Variants in THUMPD2 observed in about 807,000 individuals in gnomAD.
THUMPD2 encodes the protein U6 snRNA (guanine-N(2))-methyltransferase THUMPD2.
A neutral mutation model predicts 49.4 loss-of-function variants in THUMPD2; 56 were observed. The ratio of observed to expected loss-of-function variants is 1.13; its 90% CI spans 0.91 to 1.41. The LOEUF is 1.41. THUMPD2 is among the 40% of genes most tolerant of loss of function. THUMPD2 has a pLI of 0.00. For synonymous variants in THUMPD2, 237 were observed against 205.2 expected, an observed-to-expected ratio of 1.15 and a Z score of -1.32; for missense variants, 709 against 594.5, an observed-to-expected ratio of 1.19 and a Z score of -2.00.
intron 8 of THUMPD2, among the ~76,000 whole-genome samples, chr2:39,747,078 G>C (rs1450486258): frequency 1.3e-5 from 2 of 152,196 alleles, no homozygotes; most frequent in Non-Finnish European, 2.9e-5. Flanking sequence ...AAAGGACTTA[G>C]TGTGAAATGT....
intron 1 of THUMPD2, among the ~76,000 whole-genome samples, chr2:39,775,729 C>G (rs895026837): frequency 2.9e-5 from 4 of 138,870 alleles, no homozygotes; most frequent in African/African-American, 5.5e-5. Context: ...CGCCACTGCA[C>G]TCCAGCCTGG....
In THUMPD2 at chr2:39,769,039, G is replaced by C. The variant is rs1032402956; in HGVS notation, c.673-538C>G. 4.6e-6 allele frequency: 6 copies of C among 1,304,682 alleles called. No homozygotes were observed. The East Asian group carries it at 3.3e-4, about 72-fold the overall frequency. The allele number at this position is 1,304,682 out of a possible 1,614,324, so 80.8% of individuals were successfully genotyped here. A position where few individuals can be genotyped will look rare whatever the true frequency, so the allele number is the denominator to read the frequency against. ...GGTGTTCGCTCTTCTCTACATTGCT[G>C]AGACCTCATGTGCATTTGCAGTCTA... On this transcript the variant is annotated intron_variant, in intron 3 of 9. Transcript: ENST00000505747.
intron 8 of THUMPD2, among the ~76,000 whole-genome samples, chr2:39,745,551 T>C (rs549218827): frequency 1.3e-5 from 2 of 152,344 alleles, no homozygotes; most frequent in African/African-American, 4.8e-5. Context: ...AAGGCAACCA[T>C]AGTTCTCAAA....
Position 39,771,656 on chromosome 2 carries a change from C to G in THUMPD2, c.127-16G>C. ...TATATTCAACCTAGAAATAGAAAAA[C>G]AGCTTTTAATGTAGTCCAGTGTCAG... On this transcript the variant is annotated splice_polypyrimidine_tract_variant and intron_variant, in intron 1 of 9. Transcript: ENST00000505747. 2 of 1,597,736 alleles carry G rather than the reference C, an allele frequency of 1.3e-6. No individual in the cohort carries two copies. The highest frequency in any genetic ancestry group is 1.7e-6 in the Non-Finnish European group (2 of 1,175,282).
intron 8 of THUMPD2, among the ~76,000 whole-genome samples, chr2:39,747,378 G>A (rs558543993): frequency 8.5e-5 from 13 of 152,184 alleles, no homozygotes; most frequent in Non-Finnish European, 1.6e-4. Context: ...AGGGCGTAAA[G>A]CTTTCAATGA....
In THUMPD2 at chr2:39,756,646, G is replaced by C. The variant is rs1676168389; in HGVS notation, c.892-686C>G. Among the ~76,000 whole-genome samples the C allele has an allele frequency of 2.0e-5, 3 of 152,092 alleles. No homozygotes were observed. The South Asian group carries it at 6.2e-4, about 32-fold the overall frequency. ...GGTAGCAGAGGAAGTGAACAGGAAA[G>C]AGGAGGTGGTTAAGAACAAGATTCC... is the stretch of plus-strand genomic sequence containing the variant. On this transcript the variant is annotated intron_variant, in intron 6 of 9. Coordinates refer to ENST00000505747, the MANE Select transcript of THUMPD2 (RefSeq NM_025264.5).
chr2:39,745,394 G>A (rs943050985), intron 8 of THUMPD2, among the ~76,000 whole-genome samples: 10 of 152,074 alleles, frequency 6.6e-5, no homozygotes, highest in African/African-American at 1.9e-4. Flanking sequence ...AAGAAGAGTA[G>A]ATTGTTCGAA....
chr2:39,779,125 C>A lies in THUMPD2; in HGVS notation c.115G>T (p.Ala39Ser). ...FVMREVRARL[A>S]ATQVEYISGK... ...CGAGGCCAACTCACCTGCGTGGCCG[C>A]CAGCCGCGCCCGCACCTCTCGCATT... Residue 39 changes from alanine (A) to serine (S), a missense_variant, in exon 1 of 10, where the codon GCG becomes TCG. Ala to Ser is a moderately conservative substitution (Grantham distance 99). Coordinates refer to ENST00000505747, the MANE Select transcript of THUMPD2 (RefSeq NM_025264.5). 6.6e-7 allele frequency: 1 copy of A among 1,511,684 alleles called. No individual in the cohort carries two copies. Among genetic ancestry groups the A allele is most frequent in the East Asian group, 2.7e-5 (1 of 37,116 alleles). The allele number at this position is 1,511,684 out of a possible 1,614,324, so 93.6% of individuals were successfully genotyped here.
Position 39,744,475 on chromosome 2 carries a change from A to C in THUMPD2, c.1082T>G (p.Leu361Trp). Residue 361 changes from leucine (L) to tryptophan (W), a missense_variant, in exon 9 of 10, where the codon TTG becomes TGG. By Grantham distance (61) the Leu-to-Trp change is moderately conservative. Transcript: ENST00000505747. ...IELLKISVIE[L>W]PLPSESVDII... ...ATCAACACTTTCTGAAGGCAATGGC[A>C]ATTCTGAAATATAGAAATCAGAGAA... The C allele has an allele frequency of 1.9e-6, 3 of 1,552,886 alleles. No homozygotes were observed. Among genetic ancestry groups the C allele is most frequent in the Non-Finnish European group, 2.6e-6 (3 of 1,149,716 alleles).
intron 3 of THUMPD2, chr2:39,769,260 CTCTT>C: frequency 3.2e-6 from 1 of 312,338 alleles, no homozygotes; most frequent in Non-Finnish European, 6.4e-6. Context: ...CATACCATTC[CTCTT>C]AAACATCTGA....
At chr2:39,751,311 G>T (rs563724339) in intron 8 of THUMPD2, among the ~76,000 whole-genome samples, 1 of 152,340 alleles carries the variant, frequency 6.6e-6, no homozygotes, top group South Asian at 2.1e-4. Context: ...AAAAAAGCAT[G>T]CCATCTTACT....
At chr2:39,765,086 T>C (rs776650124) in intron 5 of THUMPD2, among the ~76,000 whole-genome samples, 2 of 152,140 alleles carry the variant, frequency 1.3e-5, no homozygotes, top group Non-Finnish European at 2.9e-5. Context: ...AATTTAAAAA[T>C]GAGTTATTTT....
At chr2:39,777,195 A>G (rs1251151369) in intron 1 of THUMPD2, among the ~76,000 whole-genome samples, 3 of 152,200 alleles carry the variant, frequency 2.0e-5, no homozygotes, top group African/African-American at 7.2e-5. Context: ...GACTGCAGTA[A>G]TCCTTTAAAG....
intron 5 of THUMPD2, among the ~76,000 whole-genome samples, chr2:39,762,160 G>C (rs762601040): frequency 1.3e-5 from 2 of 152,104 alleles, no homozygotes; most frequent in African/African-American, 2.4e-5. Context: ...AGCTTTTCTA[G>C]TTCACTTCTA....
At chr2:39,738,455 T>G (rs1303761338) in intron 9 of THUMPD2, among the ~76,000 whole-genome samples, 2 of 151,738 alleles carry the variant, frequency 1.3e-5, no homozygotes, top group Non-Finnish European at 2.9e-5. Flanking sequence ...TCCCAGGTAC[T>G]TGGGAGGCTG....
chr2:39,761,488 T>C, intron 5 of THUMPD2, 70 bp from the exon 6 acceptor site: 1 of 1,380,174 alleles, frequency 7.2e-7, no homozygotes, highest in Non-Finnish European at 1.0e-6. Flanking sequence ...GATTTACCTG[T>C]CCAAATCTGA....
chr2:39,766,235 C>A, intron 4 of THUMPD2, 126 bp from the exon 5 acceptor site: 2 of 555,176 alleles, frequency 3.6e-6, no homozygotes, highest in Non-Finnish European at 6.1e-6. Flanking sequence ...AGGCCTTATT[C>A]ATCATATCTA....
chr2:39,761,111 G>C (rs545843439), intron 6 of THUMPD2, among the ~76,000 whole-genome samples: 1 of 152,134 alleles, frequency 6.6e-6, no homozygotes, highest in East Asian at 1.9e-4. Context: ...GCTAACTTTT[G>C]ACTCAGCTTT....
chr2:39,776,259 A>T (rs1679076850), intron 1 of THUMPD2, among the ~76,000 whole-genome samples: 1 of 152,190 alleles, frequency 6.6e-6, no homozygotes, highest in Non-Finnish European at 1.5e-5. Context: ...GAAATTTGCC[A>T]TACAACGAGA....
Sources: gnomAD v4.1 joint callset for allele counts (sites outside exome capture counted in the v4.1 genomes callset) on GRCh38, gnomAD v4.1.1 for gene constraint, MANE v1.5 for transcripts, NCBI Gene and HGNC (gene_info 2026-07-23, HGNC 2026-07-21) for gene names.